The following CSMD3 variants were observed in gnomAD, a reference collection of about 807,000 sequenced individuals.
The protein encoded by CSMD3 is CUB and Sushi multiple domains 3.
A neutral mutation model predicts 435.2 loss-of-function variants in CSMD3; 177 were observed. The observed-to-expected ratio is 0.41, with a 90% CI of 0.36 to 0.46. The LOEUF is 0.46. CSMD3 is among the 20% of genes least tolerant of loss of function. CSMD3 has a pLI of 0.34. For missense variants in CSMD3, 4,265 were observed against 4,504.6 expected (o/e 0.95, Z 1.52); for synonymous variants, 1,656 against 1,520.5 (o/e 1.09, Z -2.07).
At chr8:112,303,490 G>T (rs1027064814) in intron 52 of CSMD3, among the ~76,000 whole-genome samples, 3 of 152,088 alleles carry the variant, frequency 2.0e-5, no homozygotes, top group African/African-American at 7.2e-5. Flanking sequence ...GGGAGGCAGA[G>T]GTTGCAGTGA....
intron 2 of CSMD3, among the ~76,000 whole-genome samples, chr8:113,302,998 T>C (rs1260569333): frequency 3.3e-5 from 3 of 92,110 alleles, no homozygotes; most frequent in Non-Finnish European, 6.3e-5. Flanking sequence ...ACATGATTGT[T>C]TATCTAGAAA....
At chr8:113,354,367 C>T (rs2094208016) in intron 1 of CSMD3, among the ~76,000 whole-genome samples, 1 of 152,112 alleles carries the variant, frequency 6.6e-6, no homozygotes, top group Admixed American at 6.6e-5. Context: ...TTTATTTGCT[C>T]TATCTTAGGG....
intron 3 of CSMD3, among the ~76,000 whole-genome samples, chr8:113,264,161 G>T (rs1330610938): frequency 6.6e-6 from 1 of 151,244 alleles, no homozygotes; most frequent in Non-Finnish European, 1.5e-5. Context: ...GTTTTGGGAA[G>T]GGGAAATTAA....
At chr8:112,363,562 G>T (rs1194432680) in intron 38 of CSMD3, among the ~76,000 whole-genome samples, 1 of 151,900 alleles carries the variant, frequency 6.6e-6, no homozygotes, top group South Asian at 2.1e-4. Flanking sequence ...CTGGGTACCA[G>T]GACCAGTGTC....
At chr8:112,365,473 T>A (rs56012180) in intron 38 of CSMD3, among the ~76,000 whole-genome samples, 2 of 87,188 alleles carry the variant, frequency 2.3e-5, no homozygotes, top group African/African-American at 7.3e-5. Flanking sequence ...ATTTCCTTTT[T>A]TTTTTTTTTT....
intron 40 of CSMD3, among the ~76,000 whole-genome samples, chr8:112,350,757 A>G (rs1257710894): frequency 6.6e-6 from 1 of 152,044 alleles, no homozygotes; most frequent in Non-Finnish European, 1.5e-5. Context: ...GCCTGACACC[A>G]CTAAAGACAT....
At position 112,975,980 on chromosome 8, in the gene CSMD3, C is replaced by T; in HGVS notation, c.1199G>A (p.Ser400Asn). The T allele has an allele frequency of 6.2e-7, 1 of 1,614,006 alleles. No homozygotes were observed. Residue 400 changes from serine (S) to asparagine (N), a missense_variant, in exon 7 of 71, where the codon AGT (serine) becomes AAT (asparagine). Transcript: ENST00000297405. The stretch of plus-strand genomic sequence containing the variant: ...GGGGTCCAGACCTGAATTTCTGAGA[C>T]TCGTAACTTGCACTCGCTGTTCCTC... ...LSEEQRVQVT[S>N]LRNSGLDPNT...
chr8:112,399,612 A>T (rs1831149422), intron 35 of CSMD3, among the ~76,000 whole-genome samples: 2 of 152,300 alleles, frequency 1.3e-5, no homozygotes, highest in South Asian at 4.1e-4. Flanking sequence ...AAGAGAAGCC[A>T]AGCTGAACCA....
intron 3 of CSMD3, among the ~76,000 whole-genome samples, chr8:113,252,112 A>G (rs917885489): frequency 6.6e-6 from 1 of 152,096 alleles, no homozygotes; most frequent in African/African-American, 2.4e-5. Context: ...TCATCTTTCT[A>G]GAGAATACTC....
chr8:112,829,919 A>T (rs1156444701), intron 11 of CSMD3, 130 bp from the exon 12 acceptor site: 1 of 447,208 alleles, frequency 2.2e-6, no homozygotes, highest in Non-Finnish European at 4.1e-6. Flanking sequence ...ACACACACAC[A>T]CACACACAAG....
At chr8:112,779,111 A>G (rs1274051187) in intron 13 of CSMD3, among the ~76,000 whole-genome samples, 3 of 151,566 alleles carry the variant, frequency 2.0e-5, no homozygotes. Context: ...AAGATTTTCT[A>G]TTAGTCTGTA....
intron 20 of CSMD3, among the ~76,000 whole-genome samples, chr8:112,641,985 C>A (rs961503714): frequency 1.3e-5 from 2 of 152,024 alleles, no homozygotes; most frequent in Non-Finnish European, 2.9e-5. Context: ...ACAACCAATT[C>A]TAATAAGGCA....
chr8:113,040,138 G>C (rs2087543941), intron 5 of CSMD3, among the ~76,000 whole-genome samples: 10 of 152,166 alleles, frequency 6.6e-5, no homozygotes, highest in Admixed American at 5.9e-4. Flanking sequence ...TATTAGCAGA[G>C]TTATGAAGGA....
intron 31 of CSMD3, among the ~76,000 whole-genome samples, chr8:112,476,217 T>C (rs1320139998): frequency 1.3e-5 from 2 of 152,038 alleles, no homozygotes; most frequent in Non-Finnish European, 2.9e-5. Flanking sequence ...AGCTAATTTT[T>C]GTATTATTAG....
rs1395939620 is a variant in CSMD3, at chr8:112,241,801, A to C, written c.10403-16T>G. Reference sequence around the variant, plus strand: ...TTAGAACCAGCTATGAAAAGAAATAAAGGTGTTTACAAAAGTTGATGCAAT... The same window carrying C: ...TTAGAACCAGCTATGAAAAGAAATACAGGTGTTTACAAAAGTTGATGCAAT... On this transcript the variant is annotated splice_polypyrimidine_tract_variant and intron_variant, in intron 65 of 70. Transcript: ENST00000297405. 1 of 1,593,824 alleles carries C rather than the reference A, an allele frequency of 6.3e-7. No individual in the cohort carries two copies. The highest frequency in any genetic ancestry group is 8.6e-7 in the Non-Finnish European group (1 of 1,162,500).
chr8:113,057,029 T>A (rs912382467), intron 5 of CSMD3, among the ~76,000 whole-genome samples: 1 of 152,170 alleles, frequency 6.6e-6, no homozygotes, highest in African/African-American at 2.4e-5. Context: ...CACCAGGCCT[T>A]TGCACATGCT....
At chr8:112,424,601 C>G (rs1010267750) in intron 32 of CSMD3, among the ~76,000 whole-genome samples, 1 of 152,184 alleles carries the variant, frequency 6.6e-6, no homozygotes, top group African/African-American at 2.4e-5. Flanking sequence ...GTTTCCCTAA[C>G]TATGTCATAG....
intron 22 of CSMD3, among the ~76,000 whole-genome samples, chr8:112,599,176 A>AG (rs1832065595): frequency 6.9e-6 from 1 of 144,938 alleles, no homozygotes; most frequent in African/African-American, 2.7e-5. Flanking sequence ...TTTAAAAGAA[A>AG]AAAAAAACAA....
intron 67 of CSMD3, 88 bp downstream of exon 67, chr8:112,237,102 C>A (rs2129984995): frequency 7.2e-7 from 1 of 1,385,094 alleles, no homozygotes; most frequent in Non-Finnish European, 1.0e-6. Context: ...AAACATTTCA[C>A]CATATAAAAA....
Sources: gnomAD v4.1 joint callset for allele counts (sites outside exome capture counted in the v4.1 genomes callset) on GRCh38, gnomAD v4.1.1 for gene constraint, MANE v1.5 for transcripts, NCBI Gene and HGNC (gene_info 2026-07-23, HGNC 2026-07-21) for gene names.